The following ZNF609 variants were observed in gnomAD, a reference collection of about 807,000 sequenced individuals.
ZNF609 encodes the protein zinc finger protein 609.
In ZNF609, 11 loss-of-function variants were observed where a neutral mutation model predicts 109.5. The ratio of observed to expected loss-of-function variants is 0.10; its 90% CI spans 0.06 to 0.17. The LOEUF (loss-of-function observed/expected upper bound fraction) is 0.17. Among genes scored for constraint, ZNF609 ranks in the 10% least tolerant of loss-of-function variants. The pLI, the probability that ZNF609 is intolerant of heterozygous loss-of-function variation, is 1.00. For missense variants in ZNF609, 1,559 were observed against 1,772.4 expected (o/e 0.88, Z 2.16); for synonymous variants, 646 against 662.0 (o/e 0.98, Z 0.37).
chr15:64,520,968 C>T (rs1247274743), intron 2 of ZNF609, among the ~76,000 whole-genome samples: 1 of 152,170 alleles, frequency 6.6e-6, no homozygotes, highest in African/African-American at 2.4e-5. Context: ...ACCTGATGGC[C>T]ACTGAAGTTA....
Position 64,569,459 on chromosome 15 carries a change from G to A in ZNF609, c.748-53368G>A, listed in dbSNP as rs77131178. On this transcript the variant is annotated intron_variant, in intron 2 of 9. Coordinates refer to ENST00000326648, the MANE Select transcript of ZNF609 (RefSeq NM_015042.2). ...GAGATAGTTTAGGAAAACCTCCTGG[G>A]GACAATTTCCTATCAGTTCCCTCAT... Among the ~76,000 whole-genome samples the A allele has an allele frequency of 7.9e-3, 1,199 of 152,218 alleles. 22 individuals carry two copies. Among genetic ancestry groups the A allele is most frequent in the African/African-American group, 0.028 (1,151 of 41,532 alleles).
intron 2 of ZNF609, among the ~76,000 whole-genome samples, chr15:64,615,254 C>T (rs1003600114): frequency 9.9e-5 from 15 of 152,036 alleles, no homozygotes; most frequent in African/African-American, 3.6e-4. Flanking sequence ...GCAGTTCTTT[C>T]ATCTCAGCCT....
chr15:64,474,982 C>T (rs550821555), intron 1 of ZNF609, among the ~76,000 whole-genome samples: 2 of 151,792 alleles, frequency 1.3e-5, no homozygotes, highest in South Asian at 2.1e-4. Flanking sequence ...TTTTAAGATA[C>T]GGGCTCTTGC....
At chr15:64,478,905 A>T (rs948726409) in intron 1 of ZNF609, among the ~76,000 whole-genome samples, 5 of 152,238 alleles carry the variant, frequency 3.3e-5, no homozygotes, top group Non-Finnish European at 7.3e-5. Flanking sequence ...GCAGCTGTTA[A>T]TCCAAGTGTA....
chr15:64,537,394 G>A (rs1281674868), intron 2 of ZNF609, among the ~76,000 whole-genome samples: 1 of 151,776 alleles, frequency 6.6e-6, no homozygotes, highest in African/African-American at 2.4e-5. Context: ...CCAGCTACTC[G>A]GGAGGCTGAG....
intron 2 of ZNF609, among the ~76,000 whole-genome samples, chr15:64,509,138 G>A (rs1248570190): frequency 2.0e-5 from 3 of 152,210 alleles, no homozygotes; most frequent in African/African-American, 7.2e-5. Context: ...ACGCTGGGCA[G>A]TAGGTATGAT....
chr15:64,593,413 A>C, intron 2 of ZNF609: 1 of 730,304 alleles, frequency 1.4e-6, no homozygotes, highest in Non-Finnish European at 2.4e-6. Flanking sequence ...AATAAAAATA[A>C]TGTTTTAAGT....
chr15:64,534,193 T>G (rs1207658643), intron 2 of ZNF609, among the ~76,000 whole-genome samples: 1 of 151,826 alleles, frequency 6.6e-6, no homozygotes, highest in East Asian at 1.9e-4. Flanking sequence ...ATATTTTTAG[T>G]AGAGACGGGG....
intron 2 of ZNF609, among the ~76,000 whole-genome samples, chr15:64,578,185 C>G (rs1049107557): frequency 2.7e-5 from 4 of 150,556 alleles, no homozygotes; most frequent in African/African-American, 9.8e-5. Flanking sequence ...TGCACTGTCG[C>G]CCAGCCTGGA....
At chr15:64,646,634 C>CA (rs1180524819) in intron 3 of ZNF609, among the ~76,000 whole-genome samples, 3,052 of 29,708 alleles carry the variant, frequency 0.1, 162 homozygotes, top group African/African-American at 0.11. Context: ...GACTCCATCT[C>CA]AAAAAAAAAA....
chr15:64,655,849 C>G (rs762765158), intron 3 of ZNF609, among the ~76,000 whole-genome samples: 61 of 151,990 alleles, frequency 4.0e-4, no homozygotes, highest in Admixed American at 1.4e-3. Flanking sequence ...ATAAAAAGAA[C>G]ATATACAAAC....
chr15:64,504,808 C>T (rs544854502), intron 2 of ZNF609, among the ~76,000 whole-genome samples: 34 of 151,948 alleles, frequency 2.2e-4, no homozygotes, highest in African/African-American at 6.3e-4. Context: ...GGCAGGGTCT[C>T]GCTATGTTGC....
chr15:64,461,298 C>CA lies in ZNF609; in HGVS notation c.-128+462dup, dbSNP rs200925643. 9.0e-3 allele frequency among the ~76,000 whole-genome samples: 1,360 copies of CA among 151,700 alleles called. 23 individuals are homozygous for CA. The highest frequency in any genetic ancestry group is 0.032 in the African/African-American group (1,302 of 41,218). ...GTGTGCGTGACCTAGGAGTGGGGAG[C>CA]AAGGTGGCTGGGATCCTGCAGTAAG... On this transcript the variant is annotated intron_variant, in intron 1 of 9. Transcript: ENST00000326648.
intron 2 of ZNF609, among the ~76,000 whole-genome samples, chr15:64,516,734 T>C (rs1298716658): frequency 6.6e-6 from 1 of 152,184 alleles, no homozygotes; most frequent in Non-Finnish European, 1.5e-5. Context: ...ATACTGGGCA[T>C]TTATTAAGAA....
At chr15:64,669,576 G>T (rs1896696623) in intron 3 of ZNF609, among the ~76,000 whole-genome samples, 1 of 152,154 alleles carries the variant, frequency 6.6e-6, no homozygotes, top group South Asian at 2.1e-4. Context: ...TTATATTAGG[G>T]TTTGTTGGAG....
At chr15:64,535,595 G>GTT (rs1300236468) in intron 2 of ZNF609, among the ~76,000 whole-genome samples, 1 of 152,146 alleles carries the variant, frequency 6.6e-6, no homozygotes, top group East Asian at 1.9e-4. Flanking sequence ...TTTATATACA[G>GTT]TTTTTTGTGT....
chr15:64,593,064 G>T, intron 2 of ZNF609: 1 of 1,589,080 alleles, frequency 6.3e-7, no homozygotes, highest in Non-Finnish European at 8.5e-7. Flanking sequence ...TGTGCCCGAT[G>T]CGTGCCCAAA....
At chr15:64,637,688 C>T (rs974305686) in intron 3 of ZNF609, among the ~76,000 whole-genome samples, 5 of 151,904 alleles carry the variant, frequency 3.3e-5, no homozygotes, top group East Asian at 1.9e-4. Context: ...ATCTCTTTTA[C>T]GAAGTGTCTG....
At chr15:64,473,487 G>A (rs184917318) in intron 1 of ZNF609, among the ~76,000 whole-genome samples, 1 of 151,868 alleles carries the variant, frequency 6.6e-6, no homozygotes, top group Non-Finnish European at 1.5e-5. Context: ...ATGAGCCACC[G>A]CGCCTGGCCT....
Sources: gnomAD v4.1 joint callset for allele counts (sites outside exome capture counted in the v4.1 genomes callset) on GRCh38, gnomAD v4.1.1 for gene constraint, MANE v1.5 for transcripts, NCBI Gene and HGNC (gene_info 2026-07-23, HGNC 2026-07-21) for gene names.